KCNIP4: variants seen among roughly 807,000 people sequenced by gnomAD.
KCNIP4 encodes the protein Kv channel-interacting protein 4.
In KCNIP4, 12 loss-of-function variants were observed where a neutral mutation model predicts 34.0. The observed-to-expected ratio is 0.35, with a 90% confidence interval of 0.23 to 0.57. The LOEUF is 0.57. KCNIP4 is among the 20% of genes least tolerant of loss of function. KCNIP4 has a pLI of 0.83. For synonymous variants in KCNIP4, 124 were observed against 102.2 expected, an observed-to-expected ratio of 1.21 and a Z score of -1.29; for missense variants, 238 against 311.7, an observed-to-expected ratio of 0.76 and a Z score of 1.78.
intron 1 of KCNIP4, among the ~76,000 whole-genome samples, chr4:21,777,879 T>A (rs74768829): frequency 0.011 from 1,714 of 152,308 alleles, 15 homozygotes; most frequent in Middle Eastern, 0.031. Flanking sequence ...AGAGTTGAAG[T>A]TTTACTTTAA....
chr4:21,917,019 T>C (rs1176606850), intron 1 of KCNIP4, among the ~76,000 whole-genome samples: 1 of 152,248 alleles, frequency 6.6e-6, no homozygotes, highest in African/African-American at 2.4e-5. Context: ...ATCAACCTTG[T>C]GGCTTCTTTG....
At chr4:20,953,619 T>C (rs77350446) in intron 1 of KCNIP4, among the ~76,000 whole-genome samples, 3,562 of 152,194 alleles carry the variant, frequency 0.023, 128 homozygotes, top group African/African-American at 0.072. Flanking sequence ...GAGGCAGAAG[T>C]TGCAGGGAGC....
intron 1 of KCNIP4, among the ~76,000 whole-genome samples, chr4:21,756,518 C>T (rs1717537015): frequency 6.8e-6 from 1 of 147,974 alleles, no homozygotes; most frequent in Non-Finnish European, 1.5e-5. Context: ...TGCACCACTG[C>T]ACTCCAGCCT....
intron 1 of KCNIP4, among the ~76,000 whole-genome samples, chr4:21,638,999 T>C (rs1284905679): frequency 1.3e-5 from 2 of 152,212 alleles, no homozygotes; most frequent in African/African-American, 4.8e-5. Flanking sequence ...GGAATAATTA[T>C]ATGAGACTTT....
At chr4:21,432,539 C>A (rs902706958) in intron 1 of KCNIP4, among the ~76,000 whole-genome samples, 1 of 152,040 alleles carries the variant, frequency 6.6e-6, no homozygotes, top group African/African-American at 2.4e-5. Context: ...CAAGGAGATA[C>A]AATCTTGTTG....
At chr4:21,745,692 A>T (rs2109136246) in intron 1 of KCNIP4, among the ~76,000 whole-genome samples, 1 of 152,278 alleles carries the variant, frequency 6.6e-6, no homozygotes, top group Middle Eastern at 3.4e-3. Context: ...GTACTATGAA[A>T]ACAAAAGCAC....
At chr4:21,610,818 T>C (rs1222305081) in intron 1 of KCNIP4, among the ~76,000 whole-genome samples, 1 of 151,934 alleles carries the variant, frequency 6.6e-6, no homozygotes, top group Non-Finnish European at 1.5e-5. Context: ...AAGAGGCACA[T>C]CTTTTTTTTT....
chr4:21,225,203 T>C (rs925200373), intron 1 of KCNIP4, among the ~76,000 whole-genome samples: 2 of 152,190 alleles, frequency 1.3e-5, no homozygotes, highest in African/African-American at 4.8e-5. Flanking sequence ...AGGTTACTGA[T>C]GCCCTGATCC....
chr4:21,518,025 T>C (rs1734905595), intron 1 of KCNIP4, among the ~76,000 whole-genome samples: 1 of 152,222 alleles, frequency 6.6e-6, no homozygotes, highest in African/African-American at 2.4e-5. Context: ...AGACAGGGGC[T>C]TGCTTCAAGG....
At chr4:20,980,213 A>T (rs1281941394) in intron 1 of KCNIP4, among the ~76,000 whole-genome samples, 1 of 152,160 alleles carries the variant, frequency 6.6e-6, no homozygotes, top group Admixed American at 6.5e-5. Flanking sequence ...AAGCTTGTTG[A>T]GGGCACTTTA....
In KCNIP4 at chr4:21,372,386, A is replaced by ATAGATAGATAGATAGT. The variant is rs1323077380; in HGVS notation, c.62-489678_62-489677insACTATCTATCTATCTA. On this transcript the variant is annotated intron_variant, in intron 1 of 8. Transcript: ENST00000382152. Reference sequence around the variant, plus strand: ...GATAGATAGATAGATAGATAGATAGATAGATAGTTAGATAGACAGACAGAC... The same window carrying ATAGATAGATAGATAGT: ...GATAGATAGATAGATAGATAGATAGATAGATAGATAGATAGTTAGATAGTTAGATAGACAGACAGAC... Among the ~76,000 whole-genome samples the ATAGATAGATAGATAGT allele has an allele frequency of 9.7e-4, 143 of 146,956 alleles. 17 individuals carry two copies. The highest frequency in any genetic ancestry group is 3.6e-3 in the African/African-American group (133 of 36,756).
chr4:21,211,747 A>T (rs535549369), intron 1 of KCNIP4, among the ~76,000 whole-genome samples: 1 of 152,204 alleles, frequency 6.6e-6, no homozygotes, highest in African/African-American at 2.4e-5. Flanking sequence ...TCTTCAAAAT[A>T]ACCCTCTGAG....
chr4:20,732,093 G>A, intron 7 of KCNIP4, 25 bp from the exon 8 acceptor site: 1 of 1,459,006 alleles, frequency 6.9e-7, no homozygotes, highest in Non-Finnish European at 9.6e-7. Context: ...AACAAAAATT[G>A]TATTTAGACT....
chr4:21,899,044 T>C (rs781448968), intron 1 of KCNIP4, among the ~76,000 whole-genome samples: 2 of 152,176 alleles, frequency 1.3e-5, no homozygotes, highest in Non-Finnish European at 2.9e-5. Context: ...GTGATTTGTG[T>C]CAGCTTAGTC....
Position 21,800,791 on chromosome 4 carries a change from T to C in KCNIP4, c.61+147780A>G, listed in dbSNP as rs140633020. On this transcript the variant is annotated intron_variant, in intron 1 of 8. Coordinates refer to ENST00000382152, the MANE Select transcript of KCNIP4 (RefSeq NM_025221.6). ...TCCTTCCCCAAATAAATTGCAGGTA[T>C]AGCAGAATATAATATACTGCCAAAC... Among the ~76,000 whole-genome samples the C allele has an allele frequency of 3.3e-5, 5 of 152,324 alleles. No homozygotes were observed. In the East Asian group the frequency reaches 9.7e-4, roughly 29 times the overall value.
intron 1 of KCNIP4, among the ~76,000 whole-genome samples, chr4:21,865,574 G>T (rs547464463): frequency 1.6e-4 from 24 of 151,594 alleles, no homozygotes; most frequent in African/African-American, 5.3e-4. Flanking sequence ...ATGGAGTTTC[G>T]CTCTTGTTGC....
chr4:21,861,160 C>G (rs1183374685), intron 1 of KCNIP4, among the ~76,000 whole-genome samples: 1 of 152,182 alleles, frequency 6.6e-6, no homozygotes, highest in African/African-American at 2.4e-5. Flanking sequence ...TCTAGCAAGG[C>G]TTTTCATATT....
intron 1 of KCNIP4, among the ~76,000 whole-genome samples, chr4:20,913,210 C>G (rs1728492350): frequency 6.6e-6 from 1 of 151,556 alleles, no homozygotes; most frequent in Admixed American, 6.6e-5. Flanking sequence ...TATGTGCTAC[C>G]ACAGAGGTGG....
At chr4:21,177,315 A>G (rs1246427672) in intron 1 of KCNIP4, among the ~76,000 whole-genome samples, 2 of 152,172 alleles carry the variant, frequency 1.3e-5, no homozygotes, top group Non-Finnish European at 2.9e-5. Context: ...GTTTTAATTC[A>G]ATAAGAATAA....
Sources: gnomAD v4.1 joint callset for allele counts (sites outside exome capture counted in the v4.1 genomes callset) on GRCh38, gnomAD v4.1.1 for gene constraint, MANE v1.5 for transcripts, NCBI Gene and HGNC (gene_info 2026-07-23, HGNC 2026-07-21) for gene names.